The following DDX60L variants were observed in gnomAD, a reference collection of about 807,000 sequenced individuals.
DDX60L encodes the protein DExD/H-box 60 like.
DDX60L carries 191 observed loss-of-function variants against 211.6 expected under a neutral mutation model. The observed-to-expected ratio is 0.90, with a 90% CI of 0.80 to 1.02. The LOEUF is 1.02. Among genes scored for constraint, DDX60L ranks in the 50% least tolerant of loss-of-function variants. DDX60L has a pLI of 0.00. For synonymous variants in DDX60L, 706 were observed against 694.1 expected (o/e 1.02, Z -0.27); for missense variants, 2,007 against 1,984.1 (o/e 1.01, Z -0.22).
chr4:168,360,895 G>A (rs577370589), intron 37 of DDX60L, among the ~76,000 whole-genome samples: 8 of 152,322 alleles, frequency 5.3e-5, no homozygotes, highest in African/African-American at 1.9e-4. Flanking sequence ...GAGCCTTCCA[G>A]GCTCTGATCC....
At chr4:168,403,928 CA>C (rs1299433747) in intron 25 of DDX60L, 53 bp downstream of exon 25, 1 of 1,204,230 alleles carries the variant, frequency 8.3e-7, no homozygotes, top group East Asian at 2.8e-5. Flanking sequence ...AAAACAAAAC[CA>C]AACAAAAAAT....
intron 22 of DDX60L, among the ~76,000 whole-genome samples, chr4:168,407,212 A>G (rs1449165110): frequency 6.6e-6 from 1 of 152,228 alleles, no homozygotes; most frequent in Admixed American, 6.5e-5. Flanking sequence ...GAGCCGGATC[A>G]AGTTTATAAG....
In DDX60L at chr4:168,421,435, G is replaced by GGATC. The variant is rs539002859; in HGVS notation, c.2394+321_2394+324dup. Among the ~76,000 whole-genome samples, 425 of 152,266 alleles carry GGATC rather than the reference G, an allele frequency of 2.8e-3. 2 individuals carry two copies. The highest frequency in any genetic ancestry group is 9.3e-3 in the African/African-American group (386 of 41,556). ...AACACTTCAGGAGGCCAAGGTGGGT[G>GGATC]GATCACCTGAGGTGATCAAGACCAG... On this transcript the variant is annotated intron_variant, in intron 17 of 37. Transcript: ENST00000682922.
chr4:168,474,473 A>G (rs1416153949), intron 1 of DDX60L, among the ~76,000 whole-genome samples: 1 of 152,186 alleles, frequency 6.6e-6, no homozygotes. Flanking sequence ...TGAGAAAAAG[A>G]GATAATTTAG....
chr4:168,401,067 T>C, intron 25 of DDX60L, 89 bp from the exon 26 acceptor site: 2 of 1,212,374 alleles, frequency 1.6e-6, no homozygotes, highest in South Asian at 3.0e-5. Context: ...CCCTCAATCA[T>C]CTGAATAGAC....
intron 37 of DDX60L, among the ~76,000 whole-genome samples, chr4:168,358,792 A>G (rs1738602611): frequency 6.6e-6 from 1 of 152,112 alleles, no homozygotes; most frequent in Non-Finnish European, 1.5e-5. Context: ...TGCTGGGATT[A>G]CAGGCGTGGG....
At chr4:168,406,913 A>T (rs1747841803) in intron 22 of DDX60L, among the ~76,000 whole-genome samples, 1 of 152,178 alleles carries the variant, frequency 6.6e-6, no homozygotes, top group Non-Finnish European at 1.5e-5. Context: ...TGAAATGGAA[A>T]ACTTCAAAAT....
intron 29 of DDX60L, among the ~76,000 whole-genome samples, chr4:168,389,916 C>A (rs1202398428): frequency 6.6e-6 from 1 of 152,094 alleles, no homozygotes; most frequent in Non-Finnish European, 1.5e-5. Flanking sequence ...ATGACAAATC[C>A]TTCTAGACAA....
intron 9 of DDX60L, among the ~76,000 whole-genome samples, chr4:168,447,370 A>G (rs1422698161): frequency 1.4e-5 from 2 of 144,488 alleles, no homozygotes; most frequent in Non-Finnish European, 3.1e-5. Flanking sequence ...AACATTAAAA[A>G]GTCAGGAAAC....
chr4:168,407,988 T>C (rs186639400), intron 22 of DDX60L, among the ~76,000 whole-genome samples: 30 of 152,360 alleles, frequency 2.0e-4, no homozygotes, highest in African/African-American at 6.5e-4. Flanking sequence ...TTTATGAAGC[T>C]AGCTAGTTGG....
At chr4:168,477,364 G>A (rs756185995) in intron 1 of DDX60L, among the ~76,000 whole-genome samples, 1 of 151,444 alleles carries the variant, frequency 6.6e-6, no homozygotes, top group Non-Finnish European at 1.5e-5. Flanking sequence ...GCAGTGAGCC[G>A]AGATCACGCC....
chr4:168,476,511 C>T (rs1042488446), intron 1 of DDX60L, among the ~76,000 whole-genome samples: 1 of 151,846 alleles, frequency 6.6e-6, no homozygotes, highest in Admixed American at 6.6e-5. Flanking sequence ...ATTTTAAGAA[C>T]TAACAGAGAA....
chr4:168,373,655 C>A lies in DDX60L; in HGVS notation c.4776+11G>T, dbSNP rs1741420986. The A allele has an allele frequency of 6.2e-7, 1 of 1,611,658 alleles. No individual in the cohort carries two copies. Among genetic ancestry groups the A allele is most frequent in the African/African-American group, 1.3e-5 (1 of 74,868 alleles). On this transcript the variant is annotated intron_variant, in intron 35 of 37. Coordinates refer to ENST00000682922, the MANE Select transcript of DDX60L (RefSeq NM_001012967.3). Reference sequence around the variant, plus strand: ...AACACATTTTGTACATAAGATGTATCCTTCACTTACCTGGTTGATAGTCTC... The same window carrying A: ...AACACATTTTGTACATAAGATGTATACTTCACTTACCTGGTTGATAGTCTC...
In DDX60L at chr4:168,421,893, A is replaced by C. The variant is rs61740705; in HGVS notation, c.2261T>G (p.Val754Gly). Residue 754 changes from valine (V) to glycine (G), a missense_variant, in exon 17 of 38, where the codon GTG (valine) becomes GGG (glycine). Coordinates refer to ENST00000682922, the MANE Select transcript of DDX60L (RefSeq NM_001012967.3). Reference sequence around the variant, plus strand: ...CACTGCTGACTCATTCTTATCTACCACATCCAGGAGTTCCTGCTGCAGGGT... The same window carrying C: ...CACTGCTGACTCATTCTTATCTACCCCATCCAGGAGTTCCTGCTGCAGGGT... ...PNAWQQELLDVVDKNESAVIV... is the reference protein window; with the variant it reads ...PNAWQQELLDGVDKNESAVIV... 4 of 1,614,094 alleles carry C rather than the reference A, an allele frequency of 2.5e-6. No homozygotes were observed. The highest frequency in any genetic ancestry group is 2.5e-6 in the Non-Finnish European group (3 of 1,179,978).
At chr4:168,434,489 C>T (rs888865935) in intron 10 of DDX60L, among the ~76,000 whole-genome samples, 25 of 152,160 alleles carry the variant, frequency 1.6e-4, no homozygotes, top group African/African-American at 6.0e-4. Context: ...CATAGTTACG[C>T]TATTGTGTAA....
At chr4:168,358,318 A>G in intron 37 of DDX60L, 42 bp from the exon 38 acceptor site, 1 of 1,360,400 alleles carries the variant, frequency 7.4e-7, no homozygotes, top group Non-Finnish European at 9.8e-7. Flanking sequence ...ATGAGCCCAC[A>G]TTTTTATAAC....
chr4:168,396,133 T>TGAA lies in DDX60L; in HGVS notation c.3492-10_3492-9insTTC. 8.5e-7 allele frequency: 1 copy of TGAA among 1,176,280 alleles called. No homozygotes were observed. Among genetic ancestry groups the TGAA allele is most frequent in the East Asian group, 2.9e-5 (1 of 34,476 alleles). 72.9% of individuals were successfully genotyped at this position (1,176,280 alleles called of 1,614,324 possible). On this transcript the variant is annotated splice_polypyrimidine_tract_variant and intron_variant, in intron 26 of 37. Coordinates refer to ENST00000682922, the MANE Select transcript of DDX60L (RefSeq NM_001012967.3). ...TTGGGTTTTTTTTAGTGCTACTATTTAAAAAAAAAAAAAAACTTTTAAGTA... is the reference window on the plus strand; with the variant it reads ...TTGGGTTTTTTTTAGTGCTACTATTTGAAAAAAAAAAAAAAAAACTTTTAAGTA...
intron 35 of DDX60L, 41 bp from the exon 36 acceptor site, chr4:168,371,804 A>C: frequency 6.5e-7 from 1 of 1,537,402 alleles, no homozygotes. Context: ...ACTGATATGT[A>C]AAGAGTAACT....
chr4:168,442,275 A>T (rs1425670919), intron 9 of DDX60L, among the ~76,000 whole-genome samples: 2 of 152,096 alleles, frequency 1.3e-5, no homozygotes, highest in African/African-American at 4.8e-5. Flanking sequence ...CACTCCCACC[A>T]GAATACTGCA....
Sources: gnomAD v4.1 joint callset for allele counts (sites outside exome capture counted in the v4.1 genomes callset) on GRCh38, gnomAD v4.1.1 for gene constraint, MANE v1.5 for transcripts, NCBI Gene and HGNC (gene_info 2026-07-23, HGNC 2026-07-21) for gene names.